The following BCAS3 variants were observed in gnomAD, a reference collection of about 807,000 sequenced individuals.
The protein encoded by BCAS3 is BCAS4/BCAS3 fusion.
In BCAS3, 53 loss-of-function variants were observed where a neutral mutation model predicts 116.1. The ratio of observed to expected loss-of-function variants is 0.46; its 90% CI spans 0.37 to 0.57. The LOEUF is 0.57. Among genes scored for constraint, BCAS3 ranks in the 20% least tolerant of loss-of-function variants. The probability of loss-of-function intolerance (pLI) is 0.00; values close to 1 mark genes in which losing one functional copy is unlikely to be tolerated. For missense variants in BCAS3, 917 were observed against 1,165.4 expected (o/e 0.79, Z 3.10); for synonymous variants, 391 against 408.2 (o/e 0.96, Z 0.51).
At chr17:61,035,552 C>T (rs562365308) in intron 17 of BCAS3, among the ~76,000 whole-genome samples, 1 of 139,080 alleles carries the variant, frequency 7.2e-6, no homozygotes, top group Admixed American at 7.7e-5. Context: ...CACTGCACTC[C>T]AGCCTGGGTG....
intron 23 of BCAS3, among the ~76,000 whole-genome samples, chr17:61,373,130 G>T (rs951551395): frequency 2.7e-5 from 4 of 148,462 alleles, no homozygotes; most frequent in African/African-American, 1.0e-4. Context: ...TCGCTCTGTT[G>T]TCCAGGCTGG....
rs780505707 is a variant in BCAS3 at position 60,910,595 on chromosome 17, T to G, written c.886T>G (p.Ser296Ala). 6.2e-7 allele frequency: 1 copy of G among 1,613,370 alleles called. No homozygotes were observed. The highest frequency in any genetic ancestry group is 8.5e-7 in the Non-Finnish European group (1 of 1,179,680). The change falls in exon 12 of 24, where the codon TCA (serine) becomes GCA (alanine). Residue 296 changes from serine (S) to alanine (A), a missense_variant. Coordinates refer to ENST00000407086, the MANE Select transcript of BCAS3 (RefSeq NM_017679.5). ...VVTQLTGTLPSGVTEDDVAIH... is the reference protein window; with the variant it reads ...VVTQLTGTLPAGVTEDDVAIH... The stretch of plus-strand genomic sequence containing the variant: ...GACTCAGCTGACAGGCACACTGCCT[T>G]CAGGTGTGACAGAAGATGATGTTGC...
chr17:61,247,728 G>A (rs1053467368), intron 22 of BCAS3, among the ~76,000 whole-genome samples: 2 of 152,100 alleles, frequency 1.3e-5, no homozygotes, highest in African/African-American at 4.8e-5. Context: ...GTAGAGAGCA[G>A]CATACTCTAC....
chr17:61,298,547 C>T (rs1019391818), intron 22 of BCAS3, among the ~76,000 whole-genome samples: 1 of 152,204 alleles, frequency 6.6e-6, no homozygotes, highest in Non-Finnish European at 1.5e-5. Context: ...CATCACTCTC[C>T]GTGTGAGTTG....
intron 7 of BCAS3, among the ~76,000 whole-genome samples, chr17:60,827,699 C>T (rs1459901481): frequency 6.6e-6 from 1 of 152,040 alleles, no homozygotes; most frequent in Non-Finnish European, 1.5e-5. Flanking sequence ...ATCCATCACC[C>T]ACAATAGTTT....
chr17:60,775,350 A>T (rs1483994482), intron 6 of BCAS3, among the ~76,000 whole-genome samples: 1 of 152,156 alleles, frequency 6.6e-6, no homozygotes, highest in African/African-American at 2.4e-5. Flanking sequence ...TCAACAAGGG[A>T]CTACTATGAT....
intron 13 of BCAS3, among the ~76,000 whole-genome samples, chr17:60,936,958 G>A (rs1462471833): frequency 1.3e-5 from 2 of 152,136 alleles, no homozygotes; most frequent in African/African-American, 4.8e-5. Context: ...GAATGGTATT[G>A]CCTAGGTTTT....
chr17:61,387,318 A>T lies in BCAS3; in HGVS notation c.2594-4659A>T, dbSNP rs1043295306. Among the ~76,000 whole-genome samples the T allele has an allele frequency of 1.9e-4, 29 of 152,252 alleles. No homozygotes were observed. The highest frequency in any genetic ancestry group is 6.7e-4 in the African/African-American group (28 of 41,544). ...GCCATGCCCTTGCCTCCTCACAGAC[A>T]AAGAGTGACCCCACCCCACCCCATC... On this transcript the variant is annotated intron_variant, in intron 23 of 23. Transcript: ENST00000407086. This position sits in a 1 kb window ranked among gnomAD's most constrained non-coding sequence, Gnocchi z 6.2.
At chr17:61,112,908 A>C (rs2075187808) in intron 22 of BCAS3, among the ~76,000 whole-genome samples, 2 of 150,590 alleles carry the variant, frequency 1.3e-5, no homozygotes, top group South Asian at 4.3e-4. Flanking sequence ...CAGTGCAATC[A>C]AACTAGAACT....
rs1360615325 is a variant in BCAS3, at chr17:60,994,660, C to T, written c.1486+4425C>T. 6.6e-6 allele frequency among the ~76,000 whole-genome samples: 1 copy of T among 152,200 alleles called. No homozygotes were observed. On this transcript the variant is annotated intron_variant, in intron 15 of 23. Transcript: ENST00000407086. This position sits in a 1 kb window ranked among gnomAD's most constrained non-coding sequence, Gnocchi z 4.4. ...TTCTTGTCTAACCATACCTAGATTT[C>T]TGTACCCTTCCCTGAATATGCCACA...
At chr17:60,731,080 A>C (rs953964051) in intron 5 of BCAS3, among the ~76,000 whole-genome samples, 4 of 152,180 alleles carry the variant, frequency 2.6e-5, no homozygotes, top group Non-Finnish European at 5.9e-5. Context: ...AATTGTTATT[A>C]ATTTTTAAGT....
chr17:61,166,554 T>C (rs1326324280), intron 22 of BCAS3, among the ~76,000 whole-genome samples: 1 of 151,942 alleles, frequency 6.6e-6, no homozygotes, highest in East Asian at 1.9e-4. Context: ...TGCACCACCA[T>C]ACCTGGCTGA....
chr17:60,944,846 A>G (rs1486649993), intron 13 of BCAS3, among the ~76,000 whole-genome samples: 1 of 152,148 alleles, frequency 6.6e-6, no homozygotes, highest in African/African-American at 2.4e-5. Flanking sequence ...AACTCTCAAC[A>G]TATTTTACGA....
Position 61,087,871 on chromosome 17 carries a change from T to C in BCAS3, c.2425+3307T>C, listed in dbSNP as rs1211821325. ...TATTCCCATAACATCTGTCTCATCT[T>C]GTCTTTGGTGATTCTAATGACACCA... is the stretch of plus-strand genomic sequence containing the variant. On this transcript the variant is annotated intron_variant, in intron 22 of 23. Transcript: ENST00000407086. The surrounding 1 kb of genome is among the most constrained non-coding windows in gnomAD (Gnocchi z 4.6). 6.6e-6 allele frequency among the ~76,000 whole-genome samples: 1 copy of C among 152,130 alleles called. No homozygotes were observed. Among genetic ancestry groups the C allele is most frequent in the Non-Finnish European group, 1.5e-5 (1 of 68,006 alleles).
Position 60,685,746 on chromosome 17 carries a change from C to T in BCAS3, c.138+1710C>T, listed in dbSNP as rs145088522. On this transcript the variant is annotated intron_variant, in intron 3 of 23. Transcript: ENST00000407086. ...TAGATTTTTGGTGTACAATCGTAGT[C>T]GAAATAATCAGATGAGCCAGATACA... 7.9e-5 allele frequency among the ~76,000 whole-genome samples: 12 copies of T among 152,062 alleles called. No individual in the cohort carries two copies. The East Asian group carries it at 2.3e-3, about 29-fold the overall frequency.
intron 6 of BCAS3, among the ~76,000 whole-genome samples, chr17:60,748,787 A>C (rs2042209401): frequency 6.6e-6 from 1 of 151,936 alleles, no homozygotes; most frequent in South Asian, 2.1e-4. Context: ...CTTTCCTCTT[A>C]AAAAAAGATT....
Position 61,211,327 on chromosome 17 carries a change from G to A in BCAS3, c.2425+126763G>A, listed in dbSNP as rs1394439751. Among the ~76,000 whole-genome samples, 3 of 152,144 alleles carry A rather than the reference G, an allele frequency of 2.0e-5. No homozygotes were observed. Among genetic ancestry groups the A allele is most frequent in the Non-Finnish European group, 4.4e-5 (3 of 68,020 alleles). On this transcript the variant is annotated intron_variant, in intron 22 of 23. Coordinates refer to ENST00000407086, the MANE Select transcript of BCAS3 (RefSeq NM_017679.5). This position sits in a 1 kb window ranked among gnomAD's most constrained non-coding sequence, Gnocchi z 4.4. Reference sequence around the variant, plus strand: ...TGATCTGTAAGACTTTTCAAACACAGGTTTAAACATCCAGAGACTCCAGCC... The same window carrying A: ...TGATCTGTAAGACTTTTCAAACACAAGTTTAAACATCCAGAGACTCCAGCC...
intron 12 of BCAS3, among the ~76,000 whole-genome samples, chr17:60,922,764 A>C (rs2059173205): frequency 6.6e-6 from 1 of 152,222 alleles, no homozygotes; most frequent in Admixed American, 6.5e-5. Flanking sequence ...TTCTCTAAGG[A>C]CAATGGAAAT....
In BCAS3 at chr17:60,902,607, C is replaced by T. The variant is rs890964315; in HGVS notation, c.739-13C>T. ...GAAATGACGTTCTGCTTCTCTCTCTCTCTTTTTCTCAGTTGATTCGATGTC... is the reference window on the plus strand; with the variant it reads ...GAAATGACGTTCTGCTTCTCTCTCTTTCTTTTTCTCAGTTGATTCGATGTC... On this transcript the variant is annotated splice_polypyrimidine_tract_variant and intron_variant, in intron 10 of 23. Transcript: ENST00000407086. 7 of 1,593,592 alleles carry T rather than the reference C, an allele frequency of 4.4e-6. No homozygotes were observed. The highest frequency in any genetic ancestry group is 3.3e-5 in the Admixed American group (2 of 59,976).
Sources: allele counts gnomAD v4.1 joint callset (sites outside exome capture counted in the v4.1 genomes callset), GRCh38; gene constraint gnomAD v4.1.1; non-coding constraint Gnocchi (gnomAD v3.1); transcripts MANE v1.5; gene names NCBI Gene and HGNC (gene_info 2026-07-23, HGNC 2026-07-21).